Variants in ELP4 observed in about 807,000 individuals in gnomAD.
ELP4 encodes elongator acetyltransferase complex subunit 4, also known as elongator complex protein 4.
A neutral mutation model predicts 48.9 loss-of-function variants in ELP4; 51 were observed. The observed-to-expected ratio is 1.04, with a 90% CI of 0.83 to 1.32. The LOEUF (loss-of-function observed/expected upper bound fraction) is 1.32, where lower values mean the gene tolerates loss of function less well. Among genes scored for constraint, ELP4 ranks in the 40% most tolerant of loss-of-function variants. The pLI is 0.00. For missense variants in ELP4, 519 were observed against 514.6 expected (o/e 1.01, Z -0.08); for synonymous variants, 210 against 189.2 (o/e 1.11, Z -0.90).
chr11:31,675,962 T>C (rs924299848), intron 9 of ELP4, among the ~76,000 whole-genome samples: 1 of 152,164 alleles, frequency 6.6e-6, no homozygotes, highest in Non-Finnish European at 1.5e-5. Context: ...TCTCATACAG[T>C]AGCCAAGAGG....
rs138255073 is a variant in ELP4, at chr11:31,579,841, G to A, written c.382-14929G>A. 3.7e-3 allele frequency among the ~76,000 whole-genome samples: 566 copies of A among 151,570 alleles called. 4 individuals carry two copies. The highest frequency in any genetic ancestry group is 0.012 in the African/African-American group (509 of 41,252). On this transcript the variant is annotated intron_variant, in intron 3 of 9. Coordinates refer to ENST00000640961, the MANE Select transcript of ELP4 (RefSeq NM_019040.5). The stretch of plus-strand genomic sequence containing the variant: ...AGGAGATATACCTAATGTGAATGAC[G>A]AGTTAGCGGGTCCAGCACACCAACA...
chr11:31,574,372 A>T (rs1296644675), intron 3 of ELP4, among the ~76,000 whole-genome samples: 4 of 152,102 alleles, frequency 2.6e-5, no homozygotes, highest in Non-Finnish European at 5.9e-5. Flanking sequence ...GGCATAATGG[A>T]ACAAAAGGCA....
At chr11:31,709,765 C>T (rs1354822441) in intron 9 of ELP4, among the ~76,000 whole-genome samples, 1 of 152,100 alleles carries the variant, frequency 6.6e-6, no homozygotes, top group East Asian at 1.9e-4. Flanking sequence ...TTTAAATACT[C>T]AATGTATGTT....
chr11:31,653,134 G>A (rs1945358687), intron 9 of ELP4: 1 of 151,608 alleles, frequency 6.6e-6, no homozygotes, highest in Non-Finnish European at 1.5e-5. Flanking sequence ...TATCTAATCA[G>A]AGTAAAAATT....
chr11:31,729,985 CT>C (rs1180056037), intron 9 of ELP4, among the ~76,000 whole-genome samples: 5 of 152,180 alleles, frequency 3.3e-5, no homozygotes, highest in African/African-American at 1.2e-4. Flanking sequence ...CCCAGACATT[CT>C]TTCCTTCTGT....
chr11:31,537,719 A>T (rs1361653045), intron 2 of ELP4, among the ~76,000 whole-genome samples: 1 of 152,106 alleles, frequency 6.6e-6, no homozygotes, highest in Non-Finnish European at 1.5e-5. Context: ...ATAACTCACT[A>T]TCATGAGAAC....
At chr11:31,555,282 A>G (rs998897612) in intron 3 of ELP4, among the ~76,000 whole-genome samples, 1 of 152,066 alleles carries the variant, frequency 6.6e-6, no homozygotes, top group Non-Finnish European at 1.5e-5. Flanking sequence ...TCGTTAAGTT[A>G]TTCTAGTTCT....
At chr11:31,537,035 T>C (rs1418022815) in intron 2 of ELP4, among the ~76,000 whole-genome samples, 1 of 152,212 alleles carries the variant, frequency 6.6e-6, no homozygotes, top group African/African-American at 2.4e-5. Flanking sequence ...TTTCATGTCC[T>C]AAGAAACATT....
At chr11:31,693,380 A>G (rs576713372) in intron 9 of ELP4, among the ~76,000 whole-genome samples, 28 of 152,090 alleles carry the variant, frequency 1.8e-4, no homozygotes, top group African/African-American at 6.3e-4. Context: ...TCATCGTTCA[A>G]TTCCCACCTA....
intron 2 of ELP4, 100 bp downstream of exon 2, chr11:31,520,191 C>A: frequency 3.0e-6 from 3 of 990,878 alleles, no homozygotes; most frequent in Admixed American, 2.6e-5. Context: ...AAATCACTAA[C>A]ACGACAGAAG....
intron 9 of ELP4, among the ~76,000 whole-genome samples, chr11:31,773,408 G>A (rs1269625292): frequency 6.6e-6 from 1 of 152,182 alleles, no homozygotes; most frequent in African/African-American, 2.4e-5. Flanking sequence ...GCAACTACCT[G>A]TACCATAGTC....
intron 9 of ELP4, among the ~76,000 whole-genome samples, chr11:31,774,010 C>A (rs1948198164): frequency 2.6e-5 from 4 of 152,118 alleles, no homozygotes; most frequent in Admixed American, 2.0e-4. Context: ...GAAACCCTAT[C>A]TTTACAAAAA....
intron 3 of ELP4, among the ~76,000 whole-genome samples, chr11:31,548,934 T>C (rs1956786161): frequency 6.6e-6 from 1 of 152,134 alleles, no homozygotes; most frequent in South Asian, 2.1e-4. Flanking sequence ...GCTAGCCATA[T>C]GTAGAAAGCT....
At chr11:31,719,205 G>A (rs1451009772) in intron 9 of ELP4, among the ~76,000 whole-genome samples, 5 of 151,652 alleles carry the variant, frequency 3.3e-5, no homozygotes, top group Non-Finnish European at 7.4e-5. Flanking sequence ...CTGCAGTGAG[G>A]CATGTTGCAC....
chr11:31,514,780 G>A (rs879343719), intron 1 of ELP4, among the ~76,000 whole-genome samples: 2 of 152,054 alleles, frequency 1.3e-5, no homozygotes, highest in African/African-American at 4.8e-5. Flanking sequence ...AGGATACTCT[G>A]TTGTGATTGG....
chr11:31,695,362 C>G (rs1369929589), intron 9 of ELP4, among the ~76,000 whole-genome samples: 1 of 152,144 alleles, frequency 6.6e-6, no homozygotes, highest in Non-Finnish European at 1.5e-5. Flanking sequence ...GAGTTTTTAG[C>G]ATGAACGGCT....
intron 3 of ELP4, among the ~76,000 whole-genome samples, chr11:31,548,873 C>T (rs1956784603): frequency 6.6e-6 from 1 of 152,176 alleles, no homozygotes; most frequent in Non-Finnish European, 1.5e-5. Context: ...CTGAGAAAAG[C>T]AAGCAATGGG....
intron 3 of ELP4, among the ~76,000 whole-genome samples, chr11:31,544,209 CG>C (rs1956648450): frequency 6.6e-6 from 1 of 152,230 alleles, no homozygotes; most frequent in African/African-American, 2.4e-5. Flanking sequence ...TTGCCTCACT[CG>C]GGAAGCGCAA....
intron 3 of ELP4, among the ~76,000 whole-genome samples, chr11:31,575,799 A>G (rs181721121): frequency 2.0e-3 from 305 of 152,350 alleles, no homozygotes; most frequent in African/African-American, 7.0e-3. Context: ...AGCACTAAAC[A>G]TGGAAAGGAA....
Sources: gnomAD v4.1 joint callset for allele counts (sites outside exome capture counted in the v4.1 genomes callset) on GRCh38, gnomAD v4.1.1 for gene constraint, MANE v1.5 for transcripts, NCBI Gene and HGNC (gene_info 2026-07-23, HGNC 2026-07-21) for gene names.